Variants in TMEM177 observed in about 807,000 individuals in gnomAD.
TMEM177 encodes transmembrane protein 177.
In TMEM177, 4 loss-of-function variants were observed where a neutral mutation model predicts 14.2. The ratio of observed to expected loss-of-function variants is 0.28; its 90% CI spans 0.14 to 0.64. The LOEUF (loss-of-function observed/expected upper bound fraction) is 0.64, where lower values mean the gene tolerates loss of function less well. Ranked by LOEUF, TMEM177 falls within the 30% of genes least tolerant of loss-of-function variation. TMEM177 has a pLI of 0.82. For synonymous variants in TMEM177, 179 were observed against 174.5 expected (o/e 1.03, Z -0.20); for missense variants, 344 against 405.2 (o/e 0.85, Z 1.30).
At chr2:119,705,351 G>A in the TMEM177 span, among the ~76,000 whole-genome samples, 7 of 152,128 alleles carry the variant, frequency 4.6e-5, no homozygotes, top group South Asian at 1.5e-3. Context: ...GGCTGGACTG[G>A]GGCTGGTCTC....
At chr2:119,707,269 G>A in the TMEM177 span, among the ~76,000 whole-genome samples, 1 of 152,148 alleles carries the variant, frequency 6.6e-6, no homozygotes, top group Non-Finnish European at 1.5e-5. Flanking sequence ...ACTTGATCAC[G>A]TGATCATCAG....
intron 1 of TMEM177, among the ~76,000 whole-genome samples, chr2:119,679,894 C>T (rs1688851504): frequency 6.6e-6 from 1 of 152,182 alleles, no homozygotes; most frequent in African/African-American, 2.4e-5. Context: ...CTTGCTAGAG[C>T]TGCCATGCCG....
chr2:119,698,410 C>T, the TMEM177 span, among the ~76,000 whole-genome samples: 4,536 of 152,258 alleles, frequency 0.03, 116 homozygotes, highest in African/African-American at 0.078. Context: ...GTGCTCAGCA[C>T]ACCGAAGCAC....
chr2:119,707,536 A>G, the TMEM177 span, among the ~76,000 whole-genome samples: 3 of 152,224 alleles, frequency 2.0e-5, no homozygotes, highest in African/African-American at 4.8e-5. Context: ...TTTGCCAGAA[A>G]GGTGTTATCT....
chr2:119,685,232 GCA>G (rs569644831), downstream of TMEM177, among the ~76,000 whole-genome samples: 41 of 56,464 alleles, frequency 7.3e-4, no homozygotes, highest in South Asian at 1.2e-3. Context: ...CCCTTTGCAG[GCA>G]CACACACACA....
the TMEM177 span, among the ~76,000 whole-genome samples, chr2:119,722,306 C>G: frequency 1.2e-4 from 18 of 150,960 alleles, no homozygotes; most frequent in African/African-American, 3.9e-4. Context: ...CACTTGAAAA[C>G]AGGAGGTAAA....
chr2:119,684,361 G>A (rs1325647232), downstream of TMEM177, among the ~76,000 whole-genome samples: 1 of 152,252 alleles, frequency 6.6e-6, no homozygotes, highest in East Asian at 1.9e-4. Context: ...CCTGTCTCAC[G>A]TCAGATGCCC....
chr2:119,714,894 G>A, the TMEM177 span, among the ~76,000 whole-genome samples: 6 of 152,238 alleles, frequency 3.9e-5, no homozygotes, highest in Non-Finnish European at 8.8e-5. Context: ...GCTTGGGCAA[G>A]GAAGAGGGTT....
chr2:119,717,145 C>A, the TMEM177 span, among the ~76,000 whole-genome samples: 4 of 152,178 alleles, frequency 2.6e-5, no homozygotes, highest in African/African-American at 9.7e-5. Context: ...TCTCCCCTTG[C>A]TGGCCATTCT....
downstream of TMEM177, among the ~76,000 whole-genome samples, chr2:119,684,326 A>G (rs4284839): frequency 0.98 from 149,584 of 152,242 alleles, 73,534 homozygotes; most frequent in East Asian, 1. Flanking sequence ...GTTCACTCAC[A>G]CGTTGCTTCT....
the TMEM177 span, among the ~76,000 whole-genome samples, chr2:119,708,314 G>GA: frequency 1.3e-5 from 2 of 149,964 alleles, no homozygotes; most frequent in Admixed American, 6.6e-5. Flanking sequence ...TATTTTTGTG[G>GA]AAAAAAAAAT....
At chr2:119,709,285 T>C in the TMEM177 span, among the ~76,000 whole-genome samples, 4 of 152,254 alleles carry the variant, frequency 2.6e-5, no homozygotes, top group African/African-American at 4.8e-5. Flanking sequence ...AGATGGTTAC[T>C]GAAAGTTAAT....
At chr2:119,685,967 TA>T (rs1689007746), downstream of TMEM177, 4 of 481,692 alleles carry the variant, frequency 8.3e-6, no homozygotes, top group South Asian at 1.1e-4. Flanking sequence ...ACAACCAGCC[TA>T]CCATGTTTAG....
At position 119,681,924 on chromosome 2, in the gene TMEM177, T is replaced by C; in HGVS notation, c.*135T>C. 1.3e-6 allele frequency: 1 copy of C among 748,710 alleles called. No homozygotes were observed. Among genetic ancestry groups the C allele is most frequent in the Non-Finnish European group, 2.2e-6 (1 of 453,292 alleles). 46.4% of individuals were successfully genotyped at this position (748,710 alleles called of 1,614,324 possible). ...TGGCTTTGGAATTAAATAGCTTAGA[T>C]TGTACTATAACCACTACTTATGAAC... On this transcript the variant is annotated 3_prime_UTR_variant, in exon 2 of 2. Coordinates refer to ENST00000272521, the MANE Select transcript of TMEM177 (RefSeq NM_030577.3).
chr2:119,682,024 G>A lies in TMEM177; in HGVS notation c.*235G>A, dbSNP rs1574268789. Reference sequence around the variant, plus strand: ...TCTTGAACTGTAAAGTGGAGATGATGTAAACCGCCTTGCAAGATTGTAGAG... The same window carrying A: ...TCTTGAACTGTAAAGTGGAGATGATATAAACCGCCTTGCAAGATTGTAGAG... On this transcript the variant is annotated 3_prime_UTR_variant, in exon 2 of 2. Transcript: ENST00000272521. The A allele has an allele frequency of 2.0e-6, 1 of 497,246 alleles. No homozygotes were observed. The highest frequency in any genetic ancestry group is 3.9e-5 in the South Asian group (1 of 25,600). The allele number at this position is 497,246 out of a possible 1,614,324, so 30.8% of individuals were successfully genotyped here. A position where few individuals can be genotyped will look rare whatever the true frequency, so the allele number is the denominator to read the frequency against.
the TMEM177 span, among the ~76,000 whole-genome samples, chr2:119,706,900 ATTTATTTTAT>A: frequency 6.0e-5 from 9 of 150,968 alleles, no homozygotes; most frequent in Middle Eastern, 0.01. Flanking sequence ...TATTTTATTT[ATTTATTTTAT>A]TTTATTTTAT....
rs746246899 is a variant in TMEM177, at chr2:119,681,664, C to G, written c.811C>G (p.Leu271Val). 6.2e-7 allele frequency: 1 copy of G among 1,614,232 alleles called. No homozygotes were observed. The highest frequency in any genetic ancestry group is 8.5e-7 in the Non-Finnish European group (1 of 1,180,044). The change falls in exon 2 of 2, where the codon CTG becomes GTG. Residue 271 changes from leucine to valine, a missense_variant. By Grantham distance (32) the Leu-to-Val change is conservative. Transcript: ENST00000272521. The part of the protein sequence containing the change: ...RSLLGKDGEK[L>V]YTPSGNIVPR... ...TCTCTTGGGCAAAGACGGGGAGAAG[C>G]TGTATACACCCAGCGGGAACATCGT... is the stretch of plus-strand genomic sequence containing the variant.
chr2:119,692,170 C>G, the TMEM177 span, among the ~76,000 whole-genome samples: 5 of 152,224 alleles, frequency 3.3e-5, no homozygotes, highest in Non-Finnish European at 7.3e-5. Flanking sequence ...CCTTGTCAGC[C>G]AAATGGGTGT....
At chr2:119,697,481 G>A in the TMEM177 span, among the ~76,000 whole-genome samples, 6 of 152,148 alleles carry the variant, frequency 3.9e-5, no homozygotes, top group South Asian at 2.1e-4. Context: ...CCTAGGAGGC[G>A]GAGGTCACAG....
Sources: gnomAD v4.1 joint callset for allele counts (sites outside exome capture counted in the v4.1 genomes callset) on GRCh38, gnomAD v4.1.1 for gene constraint, MANE v1.5 for transcripts, NCBI Gene and HGNC (gene_info 2026-07-23, HGNC 2026-07-21) for gene names.